The following ATP8A1 variants were observed in gnomAD, a reference collection of about 807,000 sequenced individuals.
ATP8A1 encodes the protein phospholipid-transporting ATPase IA.
ATP8A1 carries 90 observed loss-of-function variants against 177.7 expected under a neutral mutation model. The ratio of observed to expected loss-of-function variants is 0.51; its 90% CI spans 0.43 to 0.60. The LOEUF (loss-of-function observed/expected upper bound fraction) is 0.60. ATP8A1 is among the 20% of genes least tolerant of loss of function. ATP8A1 has a pLI of 0.00. For synonymous variants in ATP8A1, 493 were observed against 485.9 expected (o/e 1.01, Z -0.19); for missense variants, 1,072 against 1,392.8 (o/e 0.77, Z 3.67).
intron 22 of ATP8A1, among the ~76,000 whole-genome samples, chr4:42,507,807 A>AC (rs1724600976): frequency 1.1e-4 from 16 of 146,550 alleles, no homozygotes; most frequent in Non-Finnish European, 1.6e-4. Flanking sequence ...AAAAAAAAAA[A>AC]AACATACAAA....
At chr4:42,454,776 T>C (rs1490657194) in intron 29 of ATP8A1, among the ~76,000 whole-genome samples, 1 of 152,216 alleles carries the variant, frequency 6.6e-6, no homozygotes, top group Non-Finnish European at 1.5e-5. Context: ...TTGGAAATAC[T>C]GAGTACTATT....
At chr4:42,523,547 C>T (rs899380152) in intron 21 of ATP8A1, among the ~76,000 whole-genome samples, 1 of 152,152 alleles carries the variant, frequency 6.6e-6, no homozygotes, top group Non-Finnish European at 1.5e-5. Context: ...ATGTTTTTCT[C>T]TCTTGGAAAC....
intron 35 of ATP8A1, among the ~76,000 whole-genome samples, chr4:42,419,049 A>T (rs1243354353): frequency 6.6e-6 from 1 of 152,234 alleles, no homozygotes; most frequent in East Asian, 1.9e-4. Flanking sequence ...TATGACAAAA[A>T]AGTAAATGAT....
chr4:42,517,171 G>A (rs1578090559), intron 22 of ATP8A1, among the ~76,000 whole-genome samples: 1 of 151,772 alleles, frequency 6.6e-6, no homozygotes, highest in African/African-American at 2.4e-5. Flanking sequence ...TGTGGTGGCG[G>A]GCGCCTGTAG....
intron 1 of ATP8A1, among the ~76,000 whole-genome samples, chr4:42,627,684 T>C (rs1320820188): frequency 5.9e-5 from 9 of 152,210 alleles, no homozygotes; most frequent in African/African-American, 1.9e-4. Context: ...CTCATAATCA[T>C]TGAAACAACA....
At chr4:42,426,344 T>C (rs1463287478) in intron 33 of ATP8A1, among the ~76,000 whole-genome samples, 1 of 152,170 alleles carries the variant, frequency 6.6e-6, no homozygotes, top group Non-Finnish European at 1.5e-5. Flanking sequence ...CCTCTATGTG[T>C]TTACACTATT....
intron 4 of ATP8A1, among the ~76,000 whole-genome samples, chr4:42,618,051 T>C (rs907769891): frequency 2.6e-5 from 4 of 152,354 alleles, no homozygotes; most frequent in African/African-American, 9.6e-5. Context: ...TGAGGGCTAA[T>C]GAATTATTTA....
chr4:42,622,380 T>C (rs1577719855), intron 4 of ATP8A1, among the ~76,000 whole-genome samples: 2 of 151,498 alleles, frequency 1.3e-5, no homozygotes. Context: ...ATAATCCATC[T>C]CAAAAACAAA....
At chr4:42,428,328 C>G (rs1714863481) in intron 33 of ATP8A1, among the ~76,000 whole-genome samples, 1 of 152,220 alleles carries the variant, frequency 6.6e-6, no homozygotes, top group Non-Finnish European at 1.5e-5. Flanking sequence ...ACACATCCCA[C>G]ACTGAACACA....
intron 20 of ATP8A1, among the ~76,000 whole-genome samples, chr4:42,537,072 C>T (rs1174948692): frequency 4.7e-5 from 7 of 149,322 alleles, no homozygotes; most frequent in South Asian, 4.3e-4. Context: ...GTGGAGGTTG[C>T]GGTGAGCCGA....
At chr4:42,567,254 T>C (rs1423714932) in intron 15 of ATP8A1, among the ~76,000 whole-genome samples, 1 of 152,176 alleles carries the variant, frequency 6.6e-6, no homozygotes, top group African/African-American at 2.4e-5. Context: ...AAATAAAGCT[T>C]GAGGCTGGGC....
chr4:42,554,336 G>A lies in ATP8A1; in HGVS notation c.1413+1632C>T, dbSNP rs567044477. ...AAGGACTTGGTGACTCAGAGATCTG[G>A]ACATGGAGAGAAAAGAAGGCATCAA... is the stretch of plus-strand genomic sequence containing the variant. On this transcript the variant is annotated intron_variant, in intron 16 of 36. Transcript: ENST00000381668. Among the ~76,000 whole-genome samples, 5 of 152,256 alleles carry A rather than the reference G, an allele frequency of 3.3e-5. No individual in the cohort carries two copies. The South Asian group carries it at 1.0e-3, about 32-fold the overall frequency.
At chr4:42,457,825 T>C (rs1718657721) in intron 27 of ATP8A1, among the ~76,000 whole-genome samples, 2 of 152,220 alleles carry the variant, frequency 1.3e-5, no homozygotes, top group Non-Finnish European at 2.9e-5. Flanking sequence ...ACATGTTTGT[T>C]TCCAAAGTGT....
intron 4 of ATP8A1, among the ~76,000 whole-genome samples, chr4:42,618,835 G>A (rs1737168937): frequency 6.6e-6 from 1 of 152,182 alleles, no homozygotes; most frequent in African/African-American, 2.4e-5. Context: ...CATACCTGCT[G>A]AGTCTAATAT....
chr4:42,415,884 G>A (rs1385878673), intron 35 of ATP8A1, among the ~76,000 whole-genome samples: 2 of 152,090 alleles, frequency 1.3e-5, no homozygotes, highest in Non-Finnish European at 2.9e-5. Context: ...GGCAAAAACC[G>A]AAGAAAAAAT....
intron 4 of ATP8A1, among the ~76,000 whole-genome samples, chr4:42,621,932 C>A (rs1439645869): frequency 6.6e-6 from 1 of 152,150 alleles, no homozygotes; most frequent in African/African-American, 2.4e-5. Context: ...GACTGCACAC[C>A]TACAACCATC....
intron 20 of ATP8A1, among the ~76,000 whole-genome samples, chr4:42,529,815 A>T (rs1275131548): frequency 6.6e-6 from 1 of 152,240 alleles, no homozygotes; most frequent in Non-Finnish European, 1.5e-5. Flanking sequence ...CACTTCAAGC[A>T]GTGCAGCTGG....
Position 42,656,987 on chromosome 4 carries a change from G to T in ATP8A1, c.-114C>A. 1 of 1,144,124 alleles carries T rather than the reference G, an allele frequency of 8.7e-7. No individual in the cohort carries two copies. The highest frequency in any genetic ancestry group is 1.1e-6 in the Non-Finnish European group (1 of 894,132). The allele number at this position is 1,144,124 out of a possible 1,614,324, so 70.9% of individuals were successfully genotyped here. The stretch of plus-strand genomic sequence containing the variant: ...AGCGCTCAGCTGCAGCCTGGGCCGC[G>T]CCGCCGCCCACCTAGGGCAGAGCTG... On this transcript the variant is annotated 5_prime_UTR_variant, in exon 1 of 37. Transcript: ENST00000381668.
At chr4:42,593,580 C>T (rs562527635) in intron 6 of ATP8A1, among the ~76,000 whole-genome samples, 24 of 151,908 alleles carry the variant, frequency 1.6e-4, no homozygotes, top group African/African-American at 5.8e-4. Flanking sequence ...TGTGGATTTA[C>T]AAATAAACCT....
Sources: gnomAD v4.1 joint callset for allele counts (sites outside exome capture counted in the v4.1 genomes callset) on GRCh38, gnomAD v4.1.1 for gene constraint, MANE v1.5 for transcripts, NCBI Gene and HGNC (gene_info 2026-07-23, HGNC 2026-07-21) for gene names.